The following SMOC2 variants were observed in gnomAD, a reference collection of about 807,000 sequenced individuals.
SMOC2 encodes the protein SPARC related modular calcium binding 2.
Under a neutral mutation model 61.4 loss-of-function variants are expected in SMOC2, and 39 were observed. That is an observed-to-expected ratio of 0.64 (90% CI 0.49 to 0.83). SMOC2 has a LOEUF of 0.83. Ranked by LOEUF, SMOC2 falls within the 40% of genes least tolerant of loss-of-function variation. The probability of loss-of-function intolerance (pLI) is 0.00; values close to 1 mark genes in which losing one functional copy is unlikely to be tolerated. For synonymous variants in SMOC2, 247 were observed against 239.9 expected (o/e 1.03, Z -0.27); for missense variants, 556 against 592.9 (o/e 0.94, Z 0.65).
chr6:168,615,889 A>AT (rs1325553302), intron 9 of SMOC2, among the ~76,000 whole-genome samples: 1 of 140,754 alleles, frequency 7.1e-6, no homozygotes, highest in Non-Finnish European at 1.6e-5. Context: ...GCACTATTCT[A>AT]ATTTTTTGAA....
At chr6:168,471,639 G>A (rs1781970006) in intron 1 of SMOC2, among the ~76,000 whole-genome samples, 1 of 152,058 alleles carries the variant, frequency 6.6e-6, no homozygotes, top group Non-Finnish European at 1.5e-5. Flanking sequence ...ATTTTCCATA[G>A]TGCCTATATC....
intron 2 of SMOC2, among the ~76,000 whole-genome samples, chr6:168,516,973 A>G (rs944994034): frequency 2.0e-5 from 3 of 152,198 alleles, no homozygotes; most frequent in Non-Finnish European, 4.4e-5. Flanking sequence ...GGTTACTGCC[A>G]CGATGAGGTT....
Position 168,621,887 on chromosome 6 carries a change from C to T in SMOC2, c.907+13648C>T, listed in dbSNP as rs191316491. Among the ~76,000 whole-genome samples the T allele has an allele frequency of 3.2e-3, 487 of 152,220 alleles. 3 individuals carry two copies. Among genetic ancestry groups the T allele is most frequent in the Middle Eastern group, 0.01 (3 of 294 alleles). On this transcript the variant is annotated intron_variant, in intron 9 of 12. Coordinates refer to ENST00000356284, the MANE Select transcript of SMOC2 (RefSeq NM_001166412.2). ...AGCCAAACCATATCACCACTCATTGCGTTACACAGGGGTAAAATTGTTTAT... is the reference window on the plus strand; with the variant it reads ...AGCCAAACCATATCACCACTCATTGTGTTACACAGGGGTAAAATTGTTTAT...
In SMOC2 at chr6:168,553,621, G is replaced by A. The variant is rs142650445; in HGVS notation, c.637+4418G>A. Among the ~76,000 whole-genome samples, 2 of 152,308 alleles carry A rather than the reference G, an allele frequency of 1.3e-5. No individual in the cohort carries two copies. Among genetic ancestry groups the A allele is most frequent in the African/African-American group, 4.8e-5 (2 of 41,562 alleles). ...CTTCATGAATTACCAACACCAAGGT[G>A]CTTAGGGTTTCATGACCCATTCATA... On this transcript the variant is annotated intron_variant, in intron 7 of 12. Coordinates refer to ENST00000356284, the MANE Select transcript of SMOC2 (RefSeq NM_001166412.2). This position sits in a 1 kb window ranked among gnomAD's most constrained non-coding sequence, Gnocchi z 4.2.
chr6:168,452,844 C>T lies in SMOC2; in HGVS notation c.84+11390C>T, dbSNP rs923022296. ...CAGGAAGGAGGGCAGCCCGCCAGGC[C>T]GAGGCTTTTGTCCTGCTCTGCTCCT... On this transcript the variant is annotated intron_variant, in intron 1 of 12. Coordinates refer to ENST00000356284, the MANE Select transcript of SMOC2 (RefSeq NM_001166412.2). The surrounding 1 kb of genome is among the most constrained non-coding windows in gnomAD (Gnocchi z 5.0). Among the ~76,000 whole-genome samples, 10 of 152,320 alleles carry T rather than the reference C, an allele frequency of 6.6e-5. No individual in the cohort carries two copies. Among genetic ancestry groups the T allele is most frequent in the Admixed American group, 2.6e-4 (4 of 15,304 alleles).
chr6:168,530,646 C>A (rs990745940), intron 4 of SMOC2, among the ~76,000 whole-genome samples: 3 of 146,606 alleles, frequency 2.0e-5, no homozygotes, highest in South Asian at 4.5e-4. Context: ...AACCCCCCCC[C>A]CCCCGCCCCC....
intron 4 of SMOC2, among the ~76,000 whole-genome samples, chr6:168,537,676 C>T (rs143024216): frequency 2.0e-3 from 306 of 152,324 alleles, no homozygotes; most frequent in African/African-American, 7.0e-3. Context: ...AACACAGGAC[C>T]GCTGCTGCCC....
At chr6:168,533,205 A>G (rs1562332585) in intron 4 of SMOC2, among the ~76,000 whole-genome samples, 1 of 152,070 alleles carries the variant, frequency 6.6e-6, no homozygotes, top group Non-Finnish European at 1.5e-5. Context: ...GTCCATCTTC[A>G]CTGTGGATGC....
At chr6:168,647,765 A>G (rs1787078495) in intron 9 of SMOC2, among the ~76,000 whole-genome samples, 1 of 152,022 alleles carries the variant, frequency 6.6e-6, no homozygotes, top group African/African-American at 2.4e-5. Flanking sequence ...ATTGCTTGTA[A>G]TCTTTCATTT....
chr6:168,464,195 A>T (rs1350439303), intron 1 of SMOC2, among the ~76,000 whole-genome samples: 1 of 151,398 alleles, frequency 6.6e-6, no homozygotes, highest in Non-Finnish European at 1.5e-5. Flanking sequence ...TCAAAAAAAA[A>T]AAAAAAAGAG....
chr6:168,596,396 C>T (rs974200603), intron 7 of SMOC2, among the ~76,000 whole-genome samples: 97 of 147,234 alleles, frequency 6.6e-4, no homozygotes, highest in African/African-American at 2.3e-3. Context: ...GAACAGGTGC[C>T]ATGTGAACAC....
intron 11 of SMOC2, among the ~76,000 whole-genome samples, chr6:168,656,497 G>C (rs1787324381): frequency 1.4e-5 from 1 of 74,052 alleles, no homozygotes; most frequent in Non-Finnish European, 2.5e-5. Flanking sequence ...GACAAAGCAA[G>C]ACTTTGTGTT....
chr6:168,559,691 C>T (rs111998759), intron 7 of SMOC2, among the ~76,000 whole-genome samples: 4,868 of 152,150 alleles, frequency 0.032, 112 homozygotes, highest in Non-Finnish European at 0.048. Flanking sequence ...CCACCAACGG[C>T]GTTTCCTTCA....
chr6:168,647,255 A>G (rs1300601235), intron 9 of SMOC2, among the ~76,000 whole-genome samples: 3 of 152,218 alleles, frequency 2.0e-5, no homozygotes, highest in Non-Finnish European at 4.4e-5. Flanking sequence ...TCCATGACGC[A>G]GTATTTACAG....
intron 1 of SMOC2, among the ~76,000 whole-genome samples, chr6:168,508,185 T>C (rs1002307995): frequency 6.6e-6 from 1 of 152,266 alleles, no homozygotes; most frequent in African/African-American, 2.4e-5. Context: ...AATTCTTTTA[T>C]TGGCGTGAAG....
chr6:168,610,957 T>C (rs375124052), intron 9 of SMOC2, among the ~76,000 whole-genome samples: 38,595 of 151,294 alleles, frequency 0.26, 5,034 homozygotes, highest in Non-Finnish European at 0.27. Flanking sequence ...CTAAACCAGA[T>C]CTTCTTAAAC....
chr6:168,484,067 C>A (rs1288578381), intron 1 of SMOC2, among the ~76,000 whole-genome samples: 1 of 152,006 alleles, frequency 6.6e-6, no homozygotes, highest in Non-Finnish European at 1.5e-5. Context: ...AAGGCACAGG[C>A]AACACAAGAA....
At chr6:168,457,645 C>G (rs879528593) in intron 1 of SMOC2, among the ~76,000 whole-genome samples, 6 of 152,142 alleles carry the variant, frequency 3.9e-5, no homozygotes, top group Non-Finnish European at 8.8e-5. Context: ...GCCTCGCACT[C>G]GCTGCAGCCC....
chr6:168,653,357 A>G, intron 11 of SMOC2, 129 bp downstream of exon 11: 11 of 1,096,222 alleles, frequency 1.0e-5, no homozygotes, highest in Non-Finnish European at 1.4e-5. Context: ...TATGCTGTTT[A>G]ATTGTTGGGC....
Sources: gnomAD v4.1 joint callset for allele counts (sites outside exome capture counted in the v4.1 genomes callset) on GRCh38, gnomAD v4.1.1 for gene constraint, Gnocchi (gnomAD v3.1) non-coding constraint, MANE v1.5 for transcripts, NCBI Gene and HGNC (gene_info 2026-07-23, HGNC 2026-07-21) for gene names.